The following TCF12 variants were observed in gnomAD, a reference collection of about 807,000 sequenced individuals.
The protein encoded by TCF12 is transcription factor 12, also known as DNA-binding protein HTF4.
TCF12 carries 45 observed loss-of-function variants against 86.0 expected under a neutral mutation model. The ratio of observed to expected loss-of-function variants is 0.52; its 90% CI spans 0.41 to 0.67. TCF12 has a LOEUF of 0.67. TCF12 is among the 30% of genes least tolerant of loss of function. The probability of loss-of-function intolerance (pLI) is 0.00; values close to 1 mark genes in which losing one functional copy is unlikely to be tolerated. For synonymous variants in TCF12, 330 were observed against 299.6 expected (o/e 1.10, Z -1.05); for missense variants, 881 against 859.9 (o/e 1.02, Z -0.31).
intron 3 of TCF12, among the ~76,000 whole-genome samples, chr15:57,060,836 C>G (rs2703580): frequency 6.6e-6 from 1 of 151,890 alleles, no homozygotes; most frequent in African/African-American, 2.4e-5. Context: ...CTTGGTCTTA[C>G]GGCTGAAGCT....
At chr15:57,232,570 T>C in intron 10 of TCF12, 140 bp downstream of exon 10, 2 of 1,449,920 alleles carry the variant, frequency 1.4e-6, no homozygotes, top group Non-Finnish European at 1.9e-6. Context: ...TTACCATGCC[T>C]TTCTAAAAAA....
chr15:57,012,043 A>G (rs2064865499), intron 3 of TCF12, among the ~76,000 whole-genome samples: 1 of 152,292 alleles, frequency 6.6e-6, no homozygotes, highest in Middle Eastern at 3.4e-3. Flanking sequence ...GTATTCTGCT[A>G]TTAAATTTCA....
intron 19 of TCF12, among the ~76,000 whole-genome samples, chr15:57,275,255 C>T (rs977716155): frequency 1.4e-5 from 2 of 142,118 alleles, no homozygotes; most frequent in South Asian, 2.2e-4. Flanking sequence ...TACTTCTCCC[C>T]GGCCTTCAGA....
intron 12 of TCF12, among the ~76,000 whole-genome samples, chr15:57,237,647 T>A (rs1485212648): frequency 6.6e-6 from 1 of 152,188 alleles, no homozygotes; most frequent in Non-Finnish European, 1.5e-5. Flanking sequence ...TTACCCCCAT[T>A]TTTTTAAGTA....
chr15:57,163,248 T>A (rs2054619375), intron 5 of TCF12, among the ~76,000 whole-genome samples: 1 of 152,170 alleles, frequency 6.6e-6, no homozygotes, highest in South Asian at 2.1e-4. Context: ...TTCAAAATTG[T>A]TTATTGATAT....
chr15:57,057,661 T>G (rs1201192814), intron 3 of TCF12, among the ~76,000 whole-genome samples: 1 of 152,166 alleles, frequency 6.6e-6, no homozygotes, highest in African/African-American at 2.4e-5. Context: ...TAAAACATTG[T>G]AGACCATTGG....
intron 4 of TCF12, among the ~76,000 whole-genome samples, chr15:57,086,295 G>T (rs1311870348): frequency 6.6e-6 from 1 of 150,996 alleles, no homozygotes; most frequent in African/African-American, 2.4e-5. Flanking sequence ...TTTTCCAAGT[G>T]CTACATATAT....
Position 57,125,158 on chromosome 15 carries a change from G to C in TCF12, c.325+33267G>C, listed in dbSNP as rs532219974. Among the ~76,000 whole-genome samples, 280 of 152,280 alleles carry C rather than the reference G, an allele frequency of 1.8e-3. 1 individual carries two copies. The highest frequency in any genetic ancestry group is 6.5e-3 in the African/African-American group (270 of 41,560). On this transcript the variant is annotated intron_variant, in intron 5 of 20. Transcript: ENST00000333725. ...CAAGCTTTCATGCCCAGGTTCAGCA[G>C]CCTGACCAGATCGTTATGAAAAATT...
intron 8 of TCF12, among the ~76,000 whole-genome samples, chr15:57,206,238 T>C (rs2057803242): frequency 6.6e-6 from 1 of 152,112 alleles, no homozygotes. Flanking sequence ...CGTGATGGCT[T>C]ATGCCTGTAA....
At chr15:57,081,030 A>G (rs1350290415) in intron 4 of TCF12, among the ~76,000 whole-genome samples, 1 of 152,086 alleles carries the variant, frequency 6.6e-6, no homozygotes, top group Non-Finnish European at 1.5e-5. Context: ...TCCATTTCCC[A>G]TTTTGTTTGT....
At chr15:56,953,274 G>A (rs1567156913) in intron 3 of TCF12, among the ~76,000 whole-genome samples, 1 of 151,942 alleles carries the variant, frequency 6.6e-6, no homozygotes, top group African/African-American at 2.4e-5. Context: ...AATTTTTCAT[G>A]TGTGTTTATG....
intron 3 of TCF12, among the ~76,000 whole-genome samples, chr15:56,944,210 A>G (rs1367032646): frequency 1.3e-5 from 2 of 152,198 alleles, no homozygotes; most frequent in African/African-American, 2.4e-5. Flanking sequence ...GCCATATTAT[A>G]ACAGACAGTG....
chr15:56,921,208 A>T (rs1325830551), intron 3 of TCF12, 110 bp downstream of exon 3: 9 of 665,984 alleles, frequency 1.4e-5, no homozygotes, highest in South Asian at 5.7e-5. Flanking sequence ...TATATAAAAG[A>T]TGGAATTGAG....
At chr15:57,228,798 G>T (rs748107419) in intron 8 of TCF12, among the ~76,000 whole-genome samples, 4 of 151,918 alleles carry the variant, frequency 2.6e-5, no homozygotes, top group Non-Finnish European at 5.9e-5. Context: ...TAAGGATAAA[G>T]AAATATAAAT....
chr15:56,941,017 T>C (rs2060746476), intron 3 of TCF12, among the ~76,000 whole-genome samples: 2 of 146,518 alleles, frequency 1.4e-5, no homozygotes, highest in African/African-American at 5.0e-5. Context: ...CACCTCAGCC[T>C]CCCAAAATGC....
intron 8 of TCF12, among the ~76,000 whole-genome samples, chr15:57,212,414 G>C (rs908013767): frequency 1.3e-5 from 2 of 152,080 alleles, no homozygotes; most frequent in African/African-American, 2.4e-5. Context: ...CTCCTAGGTA[G>C]CTGGGATTAC....
At chr15:57,290,441 A>G (rs1362541990), downstream of TCF12, among the ~76,000 whole-genome samples, 1 of 152,140 alleles carries the variant, frequency 6.6e-6, no homozygotes, top group Non-Finnish European at 1.5e-5. Context: ...ACAGATGCCA[A>G]GAGGAAGTTA....
At position 57,286,698 on chromosome 15, in the gene TCF12, C is replaced by T. The variant is rs767211649; in HGVS notation, c.*553C>T. 5 of 456,156 alleles carry T rather than the reference C, an allele frequency of 1.1e-5. No individual in the cohort carries two copies. The highest frequency in any genetic ancestry group is 2.2e-5 in the Non-Finnish European group (5 of 226,842). 28.3% of individuals were successfully genotyped at this position (456,156 alleles called of 1,614,324 possible). A position where few individuals can be genotyped will look rare whatever the true frequency, so the allele number is the denominator to read the frequency against. On this transcript the variant is annotated 3_prime_UTR_variant, in exon 21 of 21. Coordinates refer to ENST00000333725, the MANE Select transcript of TCF12 (RefSeq NM_207037.2). Reference sequence around the variant, plus strand: ...GTGTCTTAAAAAGGAAGGGAAAAGTCTTTTGTTGCCCTCTCCTATCCTCTT... The same window carrying T: ...GTGTCTTAAAAAGGAAGGGAAAAGTTTTTTGTTGCCCTCTCCTATCCTCTT...
intron 6 of TCF12, among the ~76,000 whole-genome samples, chr15:57,173,330 G>T (rs1258538577): frequency 1.3e-5 from 2 of 152,102 alleles, no homozygotes; most frequent in East Asian, 1.9e-4. Context: ...CCAAGATTCT[G>T]CCCTAAGAAC....
Sources: gnomAD v4.1 joint callset for allele counts (sites outside exome capture counted in the v4.1 genomes callset) on GRCh38, gnomAD v4.1.1 for gene constraint, MANE v1.5 for transcripts, NCBI Gene and HGNC (gene_info 2026-07-23, HGNC 2026-07-21) for gene names.